ENDOV: variants seen among roughly 807,000 people sequenced by gnomAD.
ENDOV encodes endonuclease V.
Under a neutral mutation model 39.4 loss-of-function variants are expected in ENDOV, and 37 were observed. That is an observed-to-expected ratio of 0.94 (90% confidence interval 0.72 to 1.23). The LOEUF is 1.23. ENDOV is among the 50% of genes most tolerant of loss of function. The pLI is 0.00. For synonymous variants in ENDOV, 186 were observed against 163.4 expected (o/e 1.14, Z -1.05); for missense variants, 441 against 375.7 (o/e 1.17, Z -1.44).
rs571435587 is a variant in ENDOV at position 80,422,677 on chromosome 17, C to T, written c.403+432C>T. Among the ~76,000 whole-genome samples, 12 of 152,326 alleles carry T rather than the reference C, an allele frequency of 7.9e-5. No individual in the cohort carries two copies. In the East Asian group the frequency reaches 2.3e-3, roughly 29 times the overall value. Reference sequence around the variant, plus strand: ...CCCCCACTGATGCCAGGAACCTTGGCCTAGGGAGCGTGGCTGAGGGAGATG... The same window carrying T: ...CCCCCACTGATGCCAGGAACCTTGGTCTAGGGAGCGTGGCTGAGGGAGATG... On this transcript the variant is annotated intron_variant, in intron 4 of 9. Coordinates refer to ENST00000518137, the MANE Select transcript of ENDOV (RefSeq NM_173627.5).
intron 7 of ENDOV, among the ~76,000 whole-genome samples, chr17:80,426,751 C>T (rs994211860): frequency 7.2e-5 from 11 of 152,210 alleles, no homozygotes; most frequent in African/African-American, 2.7e-4. Flanking sequence ...TCTTGGGGTG[C>T]GCCAGGGTTT....
chr17:80,432,617 C>G (rs2083398237), intron 9 of ENDOV, among the ~76,000 whole-genome samples: 1 of 152,072 alleles, frequency 6.6e-6, no homozygotes, highest in African/African-American at 2.4e-5. Flanking sequence ...CTCTGGGGAC[C>G]CCTCATGCTG....
In ENDOV at chr17:80,415,456, TTGTC is replaced by T. The variant is rs1487232108; in HGVS notation, c.57-191_57-188del. On this transcript the variant is annotated intron_variant, in intron 1 of 9. Transcript: ENST00000518137. ...GGCGCGGTTCTCGCTTCCGGCCAGT[TTGTC>T]TGGCCTGCGCTTGCGCGGGTCTCCG... 9.2e-6 allele frequency: 9 copies of T among 978,598 alleles called. No individual in the cohort carries two copies. The East Asian group carries it at 1.3e-4, about 14-fold the overall frequency. The allele number at this position is 978,598 out of a possible 1,614,324, so 60.6% of individuals were successfully genotyped here.
At chr17:80,430,223 G>A (rs1439508469) in intron 9 of ENDOV, 11 of 1,470,608 alleles carry the variant, frequency 7.5e-6, no homozygotes, top group African/African-American at 1.4e-5. Flanking sequence ...CAGATCCTGA[G>A]AGCGCATGAG....
At chr17:80,415,845 C>G in intron 2 of ENDOV, 24 bp downstream of exon 2, 1 of 1,571,960 alleles carries the variant, frequency 6.4e-7, no homozygotes, top group Admixed American at 1.9e-5. Flanking sequence ...ACGCCGAGCT[C>G]GAGGCGGGCC....
rs183258848 is a variant in ENDOV, at chr17:80,432,074, G to T, written c.838+2243G>T. ...ACCGGTCTAGATGTGCCTGTCTGGT[G>T]GGCGCTGAAGGTCCCCTTGGGAGAG... On this transcript the variant is annotated intron_variant, in intron 9 of 9. Coordinates refer to ENST00000518137, the MANE Select transcript of ENDOV (RefSeq NM_173627.5). 1.1e-4 allele frequency among the ~76,000 whole-genome samples: 17 copies of T among 152,278 alleles called. No individual in the cohort carries two copies. In the East Asian group the frequency reaches 3.3e-3, roughly 29 times the overall value.
intron 4 of ENDOV, among the ~76,000 whole-genome samples, chr17:80,422,860 C>T (rs1023085911): frequency 1.1e-4 from 17 of 152,320 alleles, no homozygotes; most frequent in South Asian, 2.1e-4. Context: ...TCACCACGCC[C>T]GGCTAATTTT....
intron 9 of ENDOV, chr17:80,433,089 C>G (rs979253923): frequency 3.3e-5 from 17 of 519,948 alleles, no homozygotes; most frequent in African/African-American, 2.3e-4. Flanking sequence ...CTCCTGACTT[C>G]TAGAGCTTTC....
intron 7 of ENDOV, chr17:80,427,900 G>T (rs1568243623): frequency 8.2e-7 from 1 of 1,224,250 alleles, no homozygotes; most frequent in Non-Finnish European, 1.0e-6. Flanking sequence ...CCCATGAATG[G>T]AAGCAGGAGC....
intron 9 of ENDOV, chr17:80,430,295 G>A (rs2083251094): frequency 6.6e-7 from 1 of 1,506,662 alleles, no homozygotes; most frequent in African/African-American, 1.4e-5. Flanking sequence ...CCTGCAGCCT[G>A]TGCTTTGCCC....
intron 3 of ENDOV, 94 bp from the exon 4 acceptor site, chr17:80,422,112 C>T (rs1335431230): frequency 3.2e-6 from 5 of 1,582,598 alleles, no homozygotes; most frequent in Non-Finnish European, 3.4e-6. Context: ...AGCTGGACCC[C>T]AGAGACAGTG....
At position 80,421,797 on chromosome 17, in the gene ENDOV, G is replaced by C. The variant is rs1248054357; in HGVS notation, c.229-31G>C. ...GATGGAGCAGGTGGCCGAAGGCTGT[G>C]CTTCCCACTGAGCTGCGTGCCTGGT... On this transcript the variant is annotated intron_variant, in intron 2 of 9. Coordinates refer to ENST00000518137, the MANE Select transcript of ENDOV (RefSeq NM_173627.5). The C allele has an allele frequency of 6.3e-6, 10 of 1,576,092 alleles. No homozygotes were observed. The Admixed American group carries it at 1.8e-4, about 29-fold the overall frequency.
At position 80,429,834 on chromosome 17, in the gene ENDOV, G is replaced by A; in HGVS notation, c.838+3G>A. On this transcript the variant is annotated splice_donor_region_variant and intron_variant, in intron 9 of 9. Coordinates refer to ENST00000518137, the MANE Select transcript of ENDOV (RefSeq NM_173627.5). Reference sequence around the variant, plus strand: ...AGGAGACTCCGGAGAGTCCTCAGGTGAGGGCCAGCCCCCACAGGACCACAG... The same window carrying A: ...AGGAGACTCCGGAGAGTCCTCAGGTAAGGGCCAGCCCCCACAGGACCACAG... 6.2e-7 allele frequency: 1 copy of A among 1,612,752 alleles called. No homozygotes were observed. Among genetic ancestry groups the A allele is most frequent in the Non-Finnish European group, 8.5e-7 (1 of 1,179,828 alleles).
rs575260429 is a variant in ENDOV, at chr17:80,419,661, C to A, written c.229-2167C>A. The A allele has an allele frequency of 1.7e-4, 120 of 702,906 alleles. 1 individual carries two copies. In the South Asian group the frequency reaches 1.8e-3, roughly 10 times the overall value. 43.5% of individuals were successfully genotyped at this position (702,906 alleles called of 1,614,324 possible). On this transcript the variant is annotated intron_variant, in intron 2 of 9. Coordinates refer to ENST00000518137, the MANE Select transcript of ENDOV (RefSeq NM_173627.5). ...TCAGCCCTTCTGCTGCTGGAAACAG[C>A]TGCCTGCTCCTTGACCACACTGTCC...
chr17:80,416,035 C>T (rs1025052103), intron 2 of ENDOV: 38 of 497,016 alleles, frequency 7.6e-5, no homozygotes, highest in African/African-American at 7.5e-4. Context: ...GTCGGGAGTT[C>T]GAGACCAGCC....
At position 80,436,500 on chromosome 17, in the gene ENDOV, C is replaced by G. The variant is rs2083599906; in HGVS notation, c.*357C>G. 1.7e-6 allele frequency: 1 copy of G among 598,790 alleles called. No homozygotes were observed. Among genetic ancestry groups the G allele is most frequent in the East Asian group, 6.3e-5 (1 of 15,948 alleles). The allele number at this position is 598,790 out of a possible 1,614,324, so 37.1% of individuals were successfully genotyped here. A position where few individuals can be genotyped will look rare whatever the true frequency, so the allele number is the denominator to read the frequency against. On this transcript the variant is annotated 3_prime_UTR_variant, in exon 10 of 10. Coordinates refer to ENST00000518137, the MANE Select transcript of ENDOV (RefSeq NM_173627.5). ...ATCCTTAAAGGGTACTGGATTTTGT[C>G]AAATGCTTTTCTGGCCTCTATTGAA...
intron 7 of ENDOV, among the ~76,000 whole-genome samples, chr17:80,425,872 C>T (rs2145029684): frequency 6.6e-6 from 1 of 152,292 alleles, no homozygotes; most frequent in East Asian, 1.9e-4. Flanking sequence ...CTCAGCCTCC[C>T]AGCCTCTCTG....
Position 80,437,358 on chromosome 17 carries a change from C to G in ENDOV, c.*1215C>G, listed in dbSNP as rs1251385057. ...GGGCAGTTCCTGACCAGCACCCCAC[C>G]AAGTCCTCAGTAAGGCCTGTCTTTG... On this transcript the variant is annotated 3_prime_UTR_variant, in exon 10 of 10. Transcript: ENST00000518137. 1 of 152,692 alleles carries G rather than the reference C, an allele frequency of 6.5e-6. No individual in the cohort carries two copies. The highest frequency in any genetic ancestry group is 1.5e-5 in the Non-Finnish European group (1 of 68,098). 9.5% of individuals were successfully genotyped at this position (152,692 alleles called of 1,614,324 possible).
intron 9 of ENDOV, among the ~76,000 whole-genome samples, chr17:80,435,783 T>TG (rs1315248247): frequency 2.7e-5 from 4 of 145,520 alleles, no homozygotes; most frequent in Non-Finnish European, 4.5e-5. Flanking sequence ...CCCAGCTAAT[T>TG]TTTTTTTTTT....
Sources: allele counts gnomAD v4.1 joint callset (sites outside exome capture counted in the v4.1 genomes callset), GRCh38; gene constraint gnomAD v4.1.1; transcripts MANE v1.5; gene names NCBI Gene and HGNC (gene_info 2026-07-23, HGNC 2026-07-21).